Variants in C8orf74 observed in about 807,000 individuals in gnomAD.
The protein encoded by C8orf74 is chromosome 8 open reading frame 74, also known as uncharacterized protein C8orf74.
In C8orf74, 29 loss-of-function variants were observed where a neutral mutation model predicts 22.2. The ratio of observed to expected loss-of-function variants is 1.31; its 90% CI spans 0.97 to 1.78. The LOEUF is 1.78. Among genes scored for constraint, C8orf74 ranks in the 40% most tolerant of loss-of-function variants. The probability of loss-of-function intolerance (pLI) is 0.00; values close to 1 mark genes in which losing one functional copy is unlikely to be tolerated. For missense variants in C8orf74, 515 were observed against 369.9 expected, an observed-to-expected ratio of 1.39 and a Z score of -3.22; for synonymous variants, 255 against 163.1, an observed-to-expected ratio of 1.56 and a Z score of -4.30.
rs200128788 is a variant in C8orf74 at position 10,674,745 on chromosome 8, G to C, written c.148G>C (p.Glu50Gln). The C allele has an allele frequency of 3.7e-6, 6 of 1,607,278 alleles. No homozygotes were observed. The highest frequency in any genetic ancestry group is 5.1e-6 in the Non-Finnish European group (6 of 1,177,002). ...RRSILLDTLYESIIFAVGKGF... is the reference protein window; with the variant it reads ...RRSILLDTLYQSIIFAVGKGF... ...GAGCATCCTGCTGGACACCCTCTAC[G>C]AGAGCATCATCTTTGCAGTGGGCAA... Residue 50 changes from glutamate to glutamine, a missense_variant, in exon 2 of 4, where the codon GAG becomes CAG. Physicochemically the swap from Glu to Gln is conservative, Grantham distance 29. Coordinates refer to ENST00000304519, the MANE Select transcript of C8orf74 (RefSeq NM_001040032.2).
intron 2 of C8orf74, among the ~76,000 whole-genome samples, chr8:10,677,402 C>G (rs908312754): frequency 1.3e-5 from 2 of 152,152 alleles, no homozygotes; most frequent in Admixed American, 6.5e-5. Flanking sequence ...AACTCAAATA[C>G]TTACTGAAAT....
chr8:10,699,670 A>G (rs144412369), intron 3 of C8orf74, among the ~76,000 whole-genome samples: 150 of 152,222 alleles, frequency 9.9e-4, no homozygotes, highest in African/African-American at 3.4e-3. Flanking sequence ...CATTCTTCCT[A>G]TGGCTGGCTG....
intron 2 of C8orf74, among the ~76,000 whole-genome samples, chr8:10,678,942 G>T (rs1027861618): frequency 6.6e-6 from 1 of 152,180 alleles, no homozygotes; most frequent in Admixed American, 6.5e-5. Context: ...TCGTGAGAGC[G>T]AGAACAAGCC....
chr8:10,675,625 G>C (rs762136397), intron 2 of C8orf74: 6 of 152,236 alleles, frequency 3.9e-5, no homozygotes, highest in Non-Finnish European at 8.8e-5. Context: ...TGCCTCCTTA[G>C]TCAAATGATC....
At chr8:10,688,715 G>A (rs932113350) in intron 2 of C8orf74, 2 of 152,352 alleles carry the variant, frequency 1.3e-5, no homozygotes, top group African/African-American at 4.8e-5. Flanking sequence ...ATGAGGTCAG[G>A]AGGGATGCAG....
chr8:10,689,434 C>A (rs1799328343), intron 2 of C8orf74: 1 of 152,208 alleles, frequency 6.6e-6, no homozygotes, highest in South Asian at 2.1e-4. Context: ...CTGCTAAGCT[C>A]ATTTGCATAT....
chr8:10,696,436 CTTTTCTTTTTTTTTTT>C (rs1799501963), intron 2 of C8orf74, among the ~76,000 whole-genome samples: 1 of 130,788 alleles, frequency 7.6e-6, no homozygotes, highest in Non-Finnish European at 1.6e-5. Context: ...CTTTTCTTTT[CTTTTCTTTTTTTTTTT>C]TTTTTTTTTT....
intron 2 of C8orf74, among the ~76,000 whole-genome samples, chr8:10,695,471 A>T (rs889894105): frequency 3.3e-5 from 5 of 152,162 alleles, no homozygotes; most frequent in Admixed American, 3.3e-4. Flanking sequence ...GATTGCCAGA[A>T]TCCAGGCGTC....
At chr8:10,680,721 C>A (rs1156607252) in intron 2 of C8orf74, among the ~76,000 whole-genome samples, 3 of 152,336 alleles carry the variant, frequency 2.0e-5, no homozygotes, top group East Asian at 3.9e-4. Context: ...AGCCTTGCTG[C>A]CTACCAGACC....
intron 2 of C8orf74, among the ~76,000 whole-genome samples, chr8:10,695,945 G>T (rs1799487103): frequency 6.6e-6 from 1 of 152,158 alleles, no homozygotes; most frequent in South Asian, 2.1e-4. Flanking sequence ...ATTCTTCAGA[G>T]GGGGACACTG....
At chr8:10,696,431 C>G (rs376606394) in intron 2 of C8orf74, among the ~76,000 whole-genome samples, 2,786 of 132,216 alleles carry the variant, frequency 0.021, 85 homozygotes, top group African/African-American at 0.086. Context: ...CTTTTCTTTT[C>G]TTTTCTTTTC....
chr8:10,681,661 C>T (rs916141204), intron 2 of C8orf74, among the ~76,000 whole-genome samples: 1 of 152,238 alleles, frequency 6.6e-6, no homozygotes, highest in Non-Finnish European at 1.5e-5. Context: ...ACCACTCTGA[C>T]CTCTGTGCTG....
At chr8:10,673,479 C>G (rs1365080646) in intron 1 of C8orf74, 1 of 152,224 alleles carries the variant, frequency 6.6e-6, no homozygotes, top group Non-Finnish European at 1.5e-5. Flanking sequence ...CACCAAGCCC[C>G]TTCTTGGTCA....
At chr8:10,675,367 T>C (rs1799011718) in intron 2 of C8orf74, among the ~76,000 whole-genome samples, 1 of 152,230 alleles carries the variant, frequency 6.6e-6, no homozygotes, top group African/African-American at 2.4e-5. Context: ...GGAGCTGTGG[T>C]CACTCCACCC....
rs187930777 is a variant in C8orf74 at position 10,684,989 on chromosome 8, G to C, written c.241+10151G>C. On this transcript the variant is annotated intron_variant, in intron 2 of 3. Transcript: ENST00000304519. Reference sequence around the variant, plus strand: ...GCATTGAGAGTGGGGGTCCTCTGAAGGAAGGAGTGATCCACTCCCCACAGG... The same window carrying C: ...GCATTGAGAGTGGGGGTCCTCTGAACGAAGGAGTGATCCACTCCCCACAGG... Among the ~76,000 whole-genome samples, 25 of 152,348 alleles carry C rather than the reference G, an allele frequency of 1.6e-4. 1 individual carries two copies. The highest frequency in any genetic ancestry group is 6.5e-4 in the Admixed American group (10 of 15,300).
intron 2 of C8orf74, chr8:10,686,455 C>G (rs1422249517): frequency 6.6e-6 from 1 of 152,236 alleles, no homozygotes; most frequent in Non-Finnish European, 1.5e-5. Context: ...TTCCTGAGAG[C>G]TTAGCACTGG....
chr8:10,691,924 G>A (rs1201947900), intron 2 of C8orf74: 1 of 152,398 alleles, frequency 6.6e-6, no homozygotes, highest in African/African-American at 2.4e-5. Context: ...GGACAGCTGG[G>A]TGTGGCCCTG....
intron 2 of C8orf74, among the ~76,000 whole-genome samples, chr8:10,681,510 T>C (rs1004131491): frequency 2.6e-5 from 4 of 151,998 alleles, no homozygotes; most frequent in Non-Finnish European, 5.9e-5. Context: ...CGCAGAGATT[T>C]AGGGTGCCCA....
intron 2 of C8orf74, among the ~76,000 whole-genome samples, chr8:10,679,060 T>C (rs989699873): frequency 6.6e-6 from 1 of 152,160 alleles, no homozygotes; most frequent in African/African-American, 2.4e-5. Context: ...GAGCCCTACA[T>C]GTTTCTGGGG....
Sources: allele counts gnomAD v4.1 joint callset (sites outside exome capture counted in the v4.1 genomes callset), GRCh38; gene constraint gnomAD v4.1.1; transcripts MANE v1.5; gene names NCBI Gene and HGNC (gene_info 2026-07-23, HGNC 2026-07-21).